The following ATP10B variants were observed in gnomAD, a reference collection of about 807,000 sequenced individuals.
ATP10B encodes phospholipid-transporting ATPase VB.
Under a neutral mutation model 141.2 loss-of-function variants are expected in ATP10B, and 122 were observed. That is an observed-to-expected ratio of 0.86 (90% CI 0.75 to 1.00). ATP10B has a LOEUF of 1.00. ATP10B is among the 50% of genes least tolerant of loss of function. The pLI is 0.00. For missense variants in ATP10B, 1,876 were observed against 1,825.3 expected, an observed-to-expected ratio of 1.03 and a Z score of -0.51; for synonymous variants, 685 against 692.0, an observed-to-expected ratio of 0.99 and a Z score of 0.16.
intron 7 of ATP10B, among the ~76,000 whole-genome samples, chr5:160,662,710 C>T (rs1041843510): frequency 4.6e-5 from 7 of 152,218 alleles, no homozygotes; most frequent in African/African-American, 1.2e-4. Flanking sequence ...AAAACCTAGG[C>T]ATTACCATTC....
intron 3 of ATP10B, among the ~76,000 whole-genome samples, chr5:160,705,068 A>G (rs529572541): frequency 2.0e-5 from 3 of 150,958 alleles, no homozygotes; most frequent in Non-Finnish European, 3.0e-5. Context: ...ACAGGCGCCC[A>G]CCACCACACC....
intron 1 of ATP10B, among the ~76,000 whole-genome samples, chr5:160,833,967 T>G (rs10035400): frequency 0.029 from 4,362 of 152,236 alleles, 229 homozygotes; most frequent in African/African-American, 0.097. Context: ...CCTGGCAATT[T>G]TTCTACCATA....
chr5:160,639,800 G>A (rs958066436), intron 10 of ATP10B, among the ~76,000 whole-genome samples: 1 of 152,140 alleles, frequency 6.6e-6, no homozygotes, highest in Non-Finnish European at 1.5e-5. Flanking sequence ...TTATTACATT[G>A]TAATATATAA....
At chr5:160,874,476 C>G in the ATP10B span, among the ~76,000 whole-genome samples, 1 of 152,080 alleles carries the variant, frequency 6.6e-6, no homozygotes, top group South Asian at 2.1e-4. Flanking sequence ...ACGCAGAGTG[C>G]CTCTCCTCCT....
At chr5:160,575,629 G>A (rs895431133) in intron 24 of ATP10B, among the ~76,000 whole-genome samples, 2 of 151,514 alleles carry the variant, frequency 1.3e-5, no homozygotes, top group African/African-American at 4.9e-5. Flanking sequence ...ATTCTATCTA[G>A]GATTCATTTT....
At chr5:160,853,180 C>T (rs1753891656), upstream of ATP10B, among the ~76,000 whole-genome samples, 1 of 152,198 alleles carries the variant, frequency 6.6e-6, no homozygotes. Flanking sequence ...TTTGCCTATG[C>T]TTTAGACAGT....
At chr5:160,895,394 G>A in the ATP10B span, among the ~76,000 whole-genome samples, 37 of 152,068 alleles carry the variant, frequency 2.4e-4, no homozygotes, top group Non-Finnish European at 4.3e-4. Context: ...AAAATGAGGG[G>A]TTGCAATCCC....
intron 2 of ATP10B, among the ~76,000 whole-genome samples, chr5:160,778,350 G>T (rs1483681677): frequency 6.6e-6 from 1 of 152,170 alleles, no homozygotes; most frequent in Non-Finnish European, 1.5e-5. Context: ...AAGAAAGACT[G>T]CTCCAGTCCT....
At chr5:160,654,075 A>G (rs1481627360) in intron 7 of ATP10B, among the ~76,000 whole-genome samples, 2 of 125,990 alleles carry the variant, frequency 1.6e-5, no homozygotes, top group Admixed American at 1.7e-4. Context: ...ATACGTATAT[A>G]CATATAAATA....
At chr5:160,706,094 C>A (rs1440584749) in intron 3 of ATP10B, among the ~76,000 whole-genome samples, 1 of 152,204 alleles carries the variant, frequency 6.6e-6, no homozygotes, top group South Asian at 2.1e-4. Flanking sequence ...TGCCACCTTA[C>A]ATGAGTGTGG....
chr5:160,695,581 C>G (rs6556516), intron 3 of ATP10B, among the ~76,000 whole-genome samples: 36,142 of 151,804 alleles, frequency 0.24, 5,218 homozygotes, highest in East Asian at 0.69. Flanking sequence ...TGCAAGTCTT[C>G]TGTGGCTACA....
In ATP10B at chr5:160,715,781, G is replaced by C. The variant is rs749321053; in HGVS notation, c.-205+1128C>G. 1.9e-4 allele frequency among the ~76,000 whole-genome samples: 28 copies of C among 151,308 alleles called. 1 individual carries two copies. The highest frequency in any genetic ancestry group is 5.3e-4 in the Admixed American group (8 of 15,182). On this transcript the variant is annotated intron_variant, in intron 3 of 25. Coordinates refer to ENST00000327245, the MANE Select transcript of ATP10B (RefSeq NM_025153.3). ...GGCTGGAGTGCAGTGGTGTGGTTTC[G>C]GCTCACTGCAACCTTTGCCTCCTAG...
At chr5:160,753,089 G>A (rs1768273556) in intron 2 of ATP10B, among the ~76,000 whole-genome samples, 2 of 152,168 alleles carry the variant, frequency 1.3e-5, no homozygotes, top group Non-Finnish European at 2.9e-5. Flanking sequence ...ATTAGATTTA[G>A]GAGTGTGCCA....
chr5:160,827,108 A>G (rs1774667770), intron 1 of ATP10B, among the ~76,000 whole-genome samples: 1 of 151,948 alleles, frequency 6.6e-6, no homozygotes, highest in Non-Finnish European at 1.5e-5. Context: ...CCCTTTTGAA[A>G]TCCTTAATAA....
intron 2 of ATP10B, among the ~76,000 whole-genome samples, chr5:160,742,268 G>A (rs1767529884): frequency 6.6e-6 from 1 of 152,140 alleles, no homozygotes; most frequent in South Asian, 2.1e-4. Context: ...GTGCACAGGT[G>A]TAGACATAGT....
At chr5:160,632,830 C>T (rs576469047) in intron 12 of ATP10B, 1 of 153,502 alleles carries the variant, frequency 6.5e-6, no homozygotes, top group South Asian at 2.1e-4. Context: ...CTCCATCTTT[C>T]TCTTTCTCCA....
chr5:160,594,167 C>T (rs1254378999), intron 22 of ATP10B, among the ~76,000 whole-genome samples: 1 of 152,168 alleles, frequency 6.6e-6, no homozygotes, highest in Admixed American at 6.5e-5. Context: ...AAAGGGAAGC[C>T]CATCAGACTA....
chr5:160,771,739 C>G (rs1302391887), intron 2 of ATP10B, among the ~76,000 whole-genome samples: 1 of 152,222 alleles, frequency 6.6e-6, no homozygotes, highest in African/African-American at 2.4e-5. Flanking sequence ...TACCTTAGCT[C>G]TCTGTCCCAT....
At chr5:160,817,752 T>C (rs1359174542) in intron 1 of ATP10B, among the ~76,000 whole-genome samples, 1 of 152,162 alleles carries the variant, frequency 6.6e-6, no homozygotes, top group African/African-American at 2.4e-5. Flanking sequence ...TAAACTATAC[T>C]GCAAGGCTAC....
Sources: gnomAD v4.1 joint callset for allele counts (sites outside exome capture counted in the v4.1 genomes callset) on GRCh38, gnomAD v4.1.1 for gene constraint, MANE v1.5 for transcripts, NCBI Gene and HGNC (gene_info 2026-07-23, HGNC 2026-07-21) for gene names.